Variants in THSD4 observed in about 807,000 individuals in gnomAD.
THSD4 encodes the protein thrombospondin type 1 domain containing 4.
Under a neutral mutation model 119.0 loss-of-function variants are expected in THSD4, and 69 were observed. That is an observed-to-expected ratio of 0.58 (90% CI 0.48 to 0.71). THSD4 has a LOEUF of 0.71. Ranked by LOEUF, THSD4 falls within the 30% of genes least tolerant of loss-of-function variation. The probability of loss-of-function intolerance (pLI) is 0.00; values close to 1 mark genes in which losing one functional copy is unlikely to be tolerated. For missense variants in THSD4, 1,393 were observed against 1,391.1 expected (o/e 1.00, Z -0.02); for synonymous variants, 524 against 540.4 (o/e 0.97, Z 0.42).
chr15:71,568,319 T>A (rs1299415562), intron 7 of THSD4, among the ~76,000 whole-genome samples: 1 of 151,858 alleles, frequency 6.6e-6, no homozygotes, highest in Non-Finnish European at 1.5e-5. Context: ...CAGAGACAGA[T>A]GCCCATCATC....
At chr15:71,597,664 A>C (rs1227582676) in intron 7 of THSD4, among the ~76,000 whole-genome samples, 1 of 152,214 alleles carries the variant, frequency 6.6e-6, no homozygotes, top group Non-Finnish European at 1.5e-5. Flanking sequence ...CTGATGACTT[A>C]GTTTCTCCTG....
intron 7 of THSD4, among the ~76,000 whole-genome samples, chr15:71,651,727 G>A (rs372767541): frequency 3.6e-4 from 54 of 151,994 alleles, no homozygotes; most frequent in African/African-American, 1.3e-3. Flanking sequence ...GCACATAAGA[G>A]CACAGTAAAT....
intron 2 of THSD4, among the ~76,000 whole-genome samples, chr15:71,151,071 G>C (rs1596226649): frequency 6.6e-6 from 1 of 152,130 alleles, no homozygotes; most frequent in East Asian, 1.9e-4. Flanking sequence ...AAAGGGCTGG[G>C]CTGGGAGAGG....
At chr15:71,342,101 T>C (rs1217729779) in intron 6 of THSD4, among the ~76,000 whole-genome samples, 2 of 151,722 alleles carry the variant, frequency 1.3e-5, no homozygotes, top group Non-Finnish European at 2.9e-5. Flanking sequence ...ATGCAGAAAC[T>C]GATACATCCT....
At chr15:71,632,398 G>A (rs1487136660) in intron 7 of THSD4, among the ~76,000 whole-genome samples, 1 of 152,140 alleles carries the variant, frequency 6.6e-6, no homozygotes, top group Non-Finnish European at 1.5e-5. Context: ...GTGTTACCGG[G>A]TCATGTAACT....
At chr15:71,395,057 C>T (rs28656084) in intron 6 of THSD4, among the ~76,000 whole-genome samples, 23,624 of 152,122 alleles carry the variant, frequency 0.16, 2,058 homozygotes, top group Admixed American at 0.23. Context: ...AATGCCTTTG[C>T]TGTGTTTCTG....
Position 71,397,990 on chromosome 15 carries a change from A to G in THSD4, c.1016-13697A>G, listed in dbSNP as rs181197104. Among the ~76,000 whole-genome samples the G allele has an allele frequency of 1.8e-4, 27 of 152,354 alleles. No individual in the cohort carries two copies. In the East Asian group the frequency reaches 4.4e-3, roughly 25 times the overall value. ...GGTCATTGACAAACAGTATGACTCT[A>G]GACAAGTATTTTCACTTTTCTGGGT... On this transcript the variant is annotated intron_variant, in intron 6 of 17. Coordinates refer to ENST00000261862, the MANE Select transcript of THSD4 (RefSeq NM_024817.3).
chr15:71,448,402 A>C (rs2047218499), intron 7 of THSD4, among the ~76,000 whole-genome samples: 1 of 152,240 alleles, frequency 6.6e-6, no homozygotes, highest in Non-Finnish European at 1.5e-5. Context: ...GGGGCATTTC[A>C]TAATTTGATC....
intron 6 of THSD4, among the ~76,000 whole-genome samples, chr15:71,265,724 C>T (rs4777355): frequency 6.6e-6 from 1 of 152,156 alleles, no homozygotes; most frequent in South Asian, 2.1e-4. Context: ...TCTCGCTGCG[C>T]GCACAGCAGT....
At chr15:71,129,552 C>G (rs1318059613) in intron 1 of THSD4, among the ~76,000 whole-genome samples, 1 of 152,164 alleles carries the variant, frequency 6.6e-6, no homozygotes, top group Non-Finnish European at 1.5e-5. Flanking sequence ...GGACCCTTGA[C>G]CTCCAAGGAT....
chr15:71,172,696 T>C (rs1223970398), intron 3 of THSD4, among the ~76,000 whole-genome samples: 61 of 91,938 alleles, frequency 6.6e-4, no homozygotes, highest in African/African-American at 3.2e-3. Context: ...TATATATATA[T>C]ATATATATAT....
intron 1 of THSD4, among the ~76,000 whole-genome samples, chr15:71,103,813 C>G (rs1684832915): frequency 1.3e-5 from 2 of 151,976 alleles, no homozygotes; most frequent in Non-Finnish European, 2.9e-5. Flanking sequence ...GCACCCCACT[C>G]TCTCTCTGAC....
intron 3 of THSD4, among the ~76,000 whole-genome samples, chr15:71,197,436 C>T (rs2043729984): frequency 6.6e-6 from 1 of 152,202 alleles, no homozygotes; most frequent in South Asian, 2.1e-4. Flanking sequence ...AAAAGAATCT[C>T]CTGTTTCTAG....
chr15:71,544,035 TAAA>T, intron 7 of THSD4, among the ~76,000 whole-genome samples: 1 of 151,494 alleles, frequency 6.6e-6, no homozygotes, highest in Non-Finnish European at 1.5e-5. Flanking sequence ...TCTCAAAAAA[TAAA>T]AATAAAAAAA....
chr15:71,423,399 G>A (rs1421293414), intron 7 of THSD4, among the ~76,000 whole-genome samples: 3 of 152,100 alleles, frequency 2.0e-5, no homozygotes, highest in African/African-American at 7.2e-5. Context: ...AGGCTCTTTA[G>A]TCAGCAGGTG....
chr15:71,132,613 CTTTCCTTAATAAATAGA>C (rs1238600974), intron 1 of THSD4, among the ~76,000 whole-genome samples: 16 of 152,228 alleles, frequency 1.1e-4, no homozygotes, highest in Admixed American at 2.6e-4. Context: ...TAGTTTCAAA[CTTTCCTTAATAAATAGA>C]TTTCCTTAAT....
chr15:71,235,640 T>C (rs576351871), intron 4 of THSD4, among the ~76,000 whole-genome samples: 28 of 148,208 alleles, frequency 1.9e-4, no homozygotes, highest in Middle Eastern at 3.5e-3. Context: ...CAGGCTGGCG[T>C]GCAGTGGCAC....
chr15:71,265,950 A>G (rs1353570117), intron 6 of THSD4, among the ~76,000 whole-genome samples: 1 of 152,222 alleles, frequency 6.6e-6, no homozygotes, highest in African/African-American at 2.4e-5. Flanking sequence ...GAAAGGTAAC[A>G]GCCCCATTCA....
rs1473328074 is a variant in THSD4 at position 71,748,592 on chromosome 15, A to C, written c.2413A>C (p.Arg805=). The part of the protein sequence containing the change: ...KSWFLTEWSE[R]CSAECGAGVR... ...CTGGTTCCTCACCGAGTGGAGCGAA[A>C]GGGTGAGTGTGATGGCGGGCAGAGC... The change falls in exon 14 of 18, where the codon AGG becomes CGG. Residue 805 remains arginine (R), a splice_region_variant and synonymous_variant. Transcript: ENST00000261862. 6.2e-7 allele frequency: 1 copy of C among 1,613,972 alleles called. No homozygotes were observed. The highest frequency in any genetic ancestry group is 8.5e-7 in the Non-Finnish European group (1 of 1,179,932).
Sources: allele counts gnomAD v4.1 joint callset (sites outside exome capture counted in the v4.1 genomes callset), GRCh38; gene constraint gnomAD v4.1.1; transcripts MANE v1.5; gene names NCBI Gene and HGNC (gene_info 2026-07-23, HGNC 2026-07-21).